Variants in WWOX observed in about 807,000 individuals in gnomAD.
WWOX encodes the protein WW domain containing oxidoreductase.
In WWOX, 69 loss-of-function variants were observed where a neutral mutation model predicts 46.2. The ratio of observed to expected loss-of-function variants is 1.49; its 90% CI spans 1.23 to 1.82. The LOEUF is 1.82. Ranked by LOEUF, WWOX falls within the 40% of genes most tolerant of loss-of-function variation. WWOX has a pLI of 0.00. For missense variants in WWOX, 919 were observed against 542.6 expected, an observed-to-expected ratio of 1.69 and a Z score of -6.89; for synonymous variants, 359 against 202.6, an observed-to-expected ratio of 1.77 and a Z score of -6.56.
At position 79,211,693 on chromosome 16, in the gene WWOX, G is replaced by C. The variant is rs202002431; in HGVS notation, c.1142G>C (p.Arg381Pro). Residue 381 changes from arginine (R) to proline (P), a missense_variant, in exon 9 of 9, where the codon CGC becomes CCC. Arg to Pro is a moderately radical substitution (Grantham distance 103, BLOSUM62 -2). Coordinates refer to ENST00000566780, the MANE Select transcript of WWOX (RefSeq NM_016373.4). ...GGGATGTACTTCAACAACTGCTGCC[G>C]CTGCATGCCCTCACCAGAAGCTCAG... is the stretch of plus-strand genomic sequence containing the variant. ...LGGMYFNNCCRCMPSPEAQSE... is the reference protein window; with the variant it reads ...LGGMYFNNCCPCMPSPEAQSE... The C allele has an allele frequency of 1.4e-5, 23 of 1,614,208 alleles. No homozygotes were observed. Among genetic ancestry groups the C allele is most frequent in the Non-Finnish European group, 1.9e-5 (23 of 1,180,048 alleles).
At chr16:78,875,208 G>A (rs1407191468) in intron 8 of WWOX, among the ~76,000 whole-genome samples, 2 of 152,144 alleles carry the variant, frequency 1.3e-5, no homozygotes, top group African/African-American at 4.8e-5. Context: ...CTGAGGAAGA[G>A]CCAGCTCAAA....
intron 8 of WWOX, among the ~76,000 whole-genome samples, chr16:78,715,186 A>C (rs991323642): frequency 6.6e-6 from 1 of 152,260 alleles, no homozygotes; most frequent in Non-Finnish European, 1.5e-5. Context: ...AAGATTTATC[A>C]GTGAGAAAAG....
chr16:78,816,254 C>G (rs534745813), intron 8 of WWOX, among the ~76,000 whole-genome samples: 2 of 152,134 alleles, frequency 1.3e-5, no homozygotes, highest in East Asian at 1.9e-4. Context: ...AAAGAGGGCA[C>G]CCTTTTCTTT....
At chr16:78,846,117 T>G (rs562781061) in intron 8 of WWOX, among the ~76,000 whole-genome samples, 4 of 152,144 alleles carry the variant, frequency 2.6e-5, no homozygotes, top group Non-Finnish European at 5.9e-5. Flanking sequence ...TTGGGAAAGG[T>G]TGGTTGGTTG....
intron 8 of WWOX, among the ~76,000 whole-genome samples, chr16:78,823,574 TA>T (rs1411630506): frequency 6.6e-6 from 1 of 152,138 alleles, no homozygotes; most frequent in Non-Finnish European, 1.5e-5. Context: ...AAATGTTTAA[TA>T]AAGGCTTCAT....
chr16:78,499,794 C>T (rs1297981444), intron 8 of WWOX, among the ~76,000 whole-genome samples: 2 of 152,168 alleles, frequency 1.3e-5, no homozygotes, highest in East Asian at 1.9e-4. Context: ...TGTAAGAAAT[C>T]GAGGCCAAGG....
At chr16:78,539,583 A>G (rs1422230894) in intron 8 of WWOX, among the ~76,000 whole-genome samples, 1 of 152,246 alleles carries the variant, frequency 6.6e-6, no homozygotes, top group Admixed American at 6.5e-5. Flanking sequence ...GAGTGCACAC[A>G]TGCATTTTTA....
At chr16:78,885,480 A>G (rs1008411946) in intron 8 of WWOX, among the ~76,000 whole-genome samples, 2 of 152,174 alleles carry the variant, frequency 1.3e-5, no homozygotes, top group Admixed American at 6.6e-5. Context: ...CAAAATTATG[A>G]ATTTAAAAGC....
At chr16:78,209,579 C>T (rs910603524) in intron 5 of WWOX, among the ~76,000 whole-genome samples, 1 of 151,904 alleles carries the variant, frequency 6.6e-6, no homozygotes, top group African/African-American at 2.4e-5. Flanking sequence ...TTGAGAAATC[C>T]CATGATTCTT....
intron 5 of WWOX, among the ~76,000 whole-genome samples, chr16:78,365,664 G>C (rs887792330): frequency 1.3e-5 from 2 of 152,158 alleles, no homozygotes; most frequent in East Asian, 3.8e-4. Context: ...CTGTCGTTTA[G>C]ATTAGGAACA....
intron 8 of WWOX, among the ~76,000 whole-genome samples, chr16:79,061,744 C>T (rs186471961): frequency 4.7e-4 from 72 of 152,260 alleles, no homozygotes; most frequent in Admixed American, 1.3e-3. Context: ...CTCTTAGAGT[C>T]GTTAAGGTTT....
rs1358327301 is a variant in WWOX, at chr16:78,345,016, A to G, written c.517-41844A>G. Among the ~76,000 whole-genome samples the G allele has an allele frequency of 1.7e-5, 2 of 119,600 alleles. 1 individual carries two copies. The highest frequency in any genetic ancestry group is 4.0e-5 in the Non-Finnish European group (2 of 50,324). 78.5% of individuals were successfully genotyped at this position (119,600 alleles called of 152,430 possible). A position where few individuals can be genotyped will look rare whatever the true frequency, so the allele number is the denominator to read the frequency against. ...AAAACGGGAGTTTAGCCTAGTCCCC[A>G]CTTGATAAGATGGTTGTGGAAAGTA... is the stretch of plus-strand genomic sequence containing the variant. On this transcript the variant is annotated intron_variant, in intron 5 of 8. Coordinates refer to ENST00000566780, the MANE Select transcript of WWOX (RefSeq NM_016373.4).
chr16:78,355,916 C>A lies in WWOX; in HGVS notation c.517-30944C>A, dbSNP rs1166100246. 6 of 335,524 alleles carry A rather than the reference C, an allele frequency of 1.8e-5. No homozygotes were observed. In the East Asian group the frequency reaches 3.4e-4, roughly 19 times the overall value. The allele number at this position is 335,524 out of a possible 1,614,324, so 20.8% of individuals were successfully genotyped here. On this transcript the variant is annotated intron_variant, in intron 5 of 8. Coordinates refer to ENST00000566780, the MANE Select transcript of WWOX (RefSeq NM_016373.4). Reference sequence around the variant, plus strand: ...ATGTGCAAGATATTCAAAAGAGAAACCCGCATACATTTGGATATTAAGAAA... The same window carrying A: ...ATGTGCAAGATATTCAAAAGAGAAAACCGCATACATTTGGATATTAAGAAA...
intron 8 of WWOX, among the ~76,000 whole-genome samples, chr16:78,901,594 C>G (rs2044832554): frequency 6.6e-6 from 1 of 152,308 alleles, no homozygotes; most frequent in South Asian, 2.1e-4. Flanking sequence ...CTCAAGTCAT[C>G]CTCCCACCTC....
At chr16:78,927,987 T>TGTATGTGTGTGTGC (rs1567655175) in intron 8 of WWOX, among the ~76,000 whole-genome samples, 1 of 151,902 alleles carries the variant, frequency 6.6e-6, no homozygotes, top group African/African-American at 2.4e-5. Flanking sequence ...TGTGTGTGTG[T>TGTATGTGTGTGTGC]GTATGTGTGT....
chr16:78,799,017 C>T (rs974071953), intron 8 of WWOX, among the ~76,000 whole-genome samples: 15 of 152,130 alleles, frequency 9.9e-5, no homozygotes, highest in African/African-American at 1.7e-4. Context: ...AATGCTTTTC[C>T]GGTGGGATGC....
chr16:78,412,134 G>C (rs759805280), intron 6 of WWOX, among the ~76,000 whole-genome samples: 3 of 152,164 alleles, frequency 2.0e-5, no homozygotes, highest in Non-Finnish European at 2.9e-5. Context: ...CGGTATTTTA[G>C]GGGTTCCTAA....
chr16:79,019,410 C>G (rs923083847), intron 8 of WWOX, among the ~76,000 whole-genome samples: 2 of 152,020 alleles, frequency 1.3e-5, no homozygotes, highest in African/African-American at 4.8e-5. Flanking sequence ...GGGCTGCGTA[C>G]TGTAGGCAGT....
chr16:78,991,488 C>A (rs533675950), intron 8 of WWOX, among the ~76,000 whole-genome samples: 1 of 150,952 alleles, frequency 6.6e-6, no homozygotes, highest in South Asian at 2.1e-4. Context: ...GTAGTCCCAG[C>A]TACTCAGGAG....
Sources: allele counts gnomAD v4.1 joint callset (sites outside exome capture counted in the v4.1 genomes callset), GRCh38; gene constraint gnomAD v4.1.1; transcripts MANE v1.5; gene names NCBI Gene and HGNC (gene_info 2026-07-23, HGNC 2026-07-21).